Variants in EBF2 observed in about 807,000 individuals in gnomAD.
EBF2 encodes the protein transcription factor COE2.
EBF2 carries 21 observed loss-of-function variants against 72.8 expected under a neutral mutation model. The ratio of observed to expected loss-of-function variants is 0.29; its 90% CI spans 0.20 to 0.42. The LOEUF (loss-of-function observed/expected upper bound fraction) is 0.42, where lower values mean the gene tolerates loss of function less well. Ranked by LOEUF, EBF2 falls within the 10% of genes least tolerant of loss-of-function variation. The probability of loss-of-function intolerance (pLI) is 1.00; values close to 1 mark genes in which losing one functional copy is unlikely to be tolerated. For synonymous variants in EBF2, 299 were observed against 274.2 expected (o/e 1.09, Z -0.89); for missense variants, 637 against 731.2 (o/e 0.87, Z 1.49).
At chr8:25,853,091 C>G (rs771260219) in intron 14 of EBF2, among the ~76,000 whole-genome samples, 1 of 152,080 alleles carries the variant, frequency 6.6e-6, no homozygotes, top group Non-Finnish European at 1.5e-5. Flanking sequence ...CATTTGAAGA[C>G]TAAGTTTAGA....
chr8:25,873,566 G>A (rs1290870141), intron 10 of EBF2, among the ~76,000 whole-genome samples: 1 of 152,182 alleles, frequency 6.6e-6, no homozygotes, highest in Non-Finnish European at 1.5e-5. Flanking sequence ...ACCTGCCTTT[G>A]TGGACACAGG....
At chr8:26,037,187 T>A (rs1173233146) in intron 5 of EBF2, among the ~76,000 whole-genome samples, 1 of 151,888 alleles carries the variant, frequency 6.6e-6, no homozygotes, top group African/African-American at 2.4e-5. Flanking sequence ...AAGTGGGAGG[T>A]GGGGAAATAT....
chr8:25,863,922 A>G (rs1435275572), intron 10 of EBF2, among the ~76,000 whole-genome samples: 1 of 152,276 alleles, frequency 6.6e-6, no homozygotes, highest in South Asian at 2.1e-4. Context: ...CCACTTAACA[A>G]TATATCATAA....
Position 25,929,867 on chromosome 8 carries a change from C to G in EBF2, c.552-21312G>C, listed in dbSNP as rs150612691. 3.0e-3 allele frequency among the ~76,000 whole-genome samples: 449 copies of G among 151,846 alleles called. 1 individual carries two copies. Among genetic ancestry groups the G allele is most frequent in the African/African-American group, 9.9e-3 (410 of 41,366 alleles). On this transcript the variant is annotated intron_variant, in intron 6 of 15. Transcript: ENST00000520164. ...GGTAGAAAGGGCTAAGGTTTACACA[C>G]AAGAGAGGGGGAAAAACAGAAGGGA...
At chr8:25,891,037 G>A (rs13278074) in intron 7 of EBF2, among the ~76,000 whole-genome samples, 78,585 of 152,092 alleles carry the variant, frequency 0.52, 22,752 homozygotes, top group East Asian at 0.72. Flanking sequence ...GTCTAAGCTC[G>A]GGGGGAGGTC....
chr8:25,859,192 T>A (rs112102418), intron 13 of EBF2, among the ~76,000 whole-genome samples: 1 of 152,192 alleles, frequency 6.6e-6, no homozygotes, highest in African/African-American at 2.4e-5. Context: ...GGGCAGATGT[T>A]ATGCACTGTA....
intron 15 of EBF2, among the ~76,000 whole-genome samples, chr8:25,849,920 C>A (rs745364212): frequency 6.6e-6 from 1 of 152,040 alleles, no homozygotes; most frequent in Admixed American, 6.6e-5. Context: ...TGATGGCAAG[C>A]GGATTAGGTA....
chr8:25,994,596 C>G (rs1446726282), intron 6 of EBF2, among the ~76,000 whole-genome samples: 4 of 152,152 alleles, frequency 2.6e-5, no homozygotes, highest in Admixed American at 1.3e-4. Flanking sequence ...CTATGGAATA[C>G]TATGCAGCCA....
intron 14 of EBF2, among the ~76,000 whole-genome samples, chr8:25,857,053 A>G (rs745346293): frequency 6.6e-6 from 1 of 152,168 alleles, no homozygotes; most frequent in Non-Finnish European, 1.5e-5. Context: ...ATTTCCAAAA[A>G]TTTGGGGGAA....
chr8:25,925,173 C>T (rs1345125079), intron 6 of EBF2, among the ~76,000 whole-genome samples: 1 of 152,140 alleles, frequency 6.6e-6, no homozygotes, highest in Non-Finnish European at 1.5e-5. Context: ...TCACCTCAGT[C>T]CCGAGAATAT....
At chr8:25,975,513 T>C (rs1174563146) in intron 6 of EBF2, among the ~76,000 whole-genome samples, 1 of 152,224 alleles carries the variant, frequency 6.6e-6, no homozygotes, top group Non-Finnish European at 1.5e-5. Context: ...TTGAATAATA[T>C]GCTTTGCAGG....
chr8:25,846,645 C>T (rs1378762797), intron 15 of EBF2, among the ~76,000 whole-genome samples: 1 of 152,250 alleles, frequency 6.6e-6, no homozygotes, highest in African/African-American at 2.4e-5. Flanking sequence ...GCCATGATTG[C>T]ACCACTATAC....
chr8:25,878,724 T>C (rs1049991485), intron 10 of EBF2, among the ~76,000 whole-genome samples: 7 of 152,184 alleles, frequency 4.6e-5, no homozygotes, highest in Non-Finnish European at 1.0e-4. Context: ...CTATCCTTGA[T>C]AGCATTTCTT....
intron 6 of EBF2, among the ~76,000 whole-genome samples, chr8:25,965,519 GA>G (rs1804101165): frequency 6.6e-6 from 1 of 152,142 alleles, no homozygotes; most frequent in Non-Finnish European, 1.5e-5. Context: ...TATATGAAGT[GA>G]AAAGTGAATG....
chr8:25,867,823 T>C (rs1182246467), intron 10 of EBF2, among the ~76,000 whole-genome samples: 1 of 152,204 alleles, frequency 6.6e-6, no homozygotes, highest in East Asian at 1.9e-4. Context: ...TGTACCATCA[T>C]CCAAATGATT....
intron 6 of EBF2, among the ~76,000 whole-genome samples, chr8:26,012,218 A>G (rs1184778676): frequency 1.3e-5 from 2 of 152,178 alleles, no homozygotes; most frequent in Admixed American, 6.5e-5. Flanking sequence ...AAAAAGCCAC[A>G]GGTAGAACAT....
intron 6 of EBF2, among the ~76,000 whole-genome samples, chr8:25,916,407 T>C (rs953304575): frequency 6.6e-6 from 1 of 152,126 alleles, no homozygotes; most frequent in African/African-American, 2.4e-5. Flanking sequence ...AAATGCCTGG[T>C]ACAAAGTAAG....
chr8:25,909,311 G>C (rs1803088718), intron 6 of EBF2, among the ~76,000 whole-genome samples: 1 of 152,034 alleles, frequency 6.6e-6, no homozygotes, highest in South Asian at 2.1e-4. Flanking sequence ...AATGGCAGAA[G>C]TGGCCTTTTC....
At chr8:25,958,148 G>A (rs954406543) in intron 6 of EBF2, among the ~76,000 whole-genome samples, 3 of 152,178 alleles carry the variant, frequency 2.0e-5, no homozygotes, top group Non-Finnish European at 4.4e-5. Flanking sequence ...AAGAGGAACT[G>A]ATGGCTGCAG....
Sources: gnomAD v4.1 joint callset for allele counts (sites outside exome capture counted in the v4.1 genomes callset) on GRCh38, gnomAD v4.1.1 for gene constraint, MANE v1.5 for transcripts, NCBI Gene and HGNC (gene_info 2026-07-23, HGNC 2026-07-21) for gene names.